Variants in ARFGEF3 observed in about 807,000 individuals in gnomAD.
ARFGEF3 encodes the protein brefeldin A-inhibited guanine nucleotide-exchange protein 3.
In ARFGEF3, 96 loss-of-function variants were observed where a neutral mutation model predicts 221.7. That is an observed-to-expected ratio of 0.43 (90% CI 0.37 to 0.51). The LOEUF (loss-of-function observed/expected upper bound fraction) is 0.51, where lower values mean the gene tolerates loss of function less well. ARFGEF3 is among the 20% of genes least tolerant of loss of function. The pLI, the probability that ARFGEF3 is intolerant of heterozygous loss-of-function variation, is 0.00. For missense variants in ARFGEF3, 2,410 were observed against 2,789.9 expected, an observed-to-expected ratio of 0.86 and a Z score of 3.07; for synonymous variants, 1,145 against 1,126.8, an observed-to-expected ratio of 1.02 and a Z score of -0.32.
At chr6:138,231,279 G>A (rs1007175109) in intron 5 of ARFGEF3, among the ~76,000 whole-genome samples, 1 of 152,114 alleles carries the variant, frequency 6.6e-6, no homozygotes, top group African/African-American at 2.4e-5. Context: ...ATGCAACATT[G>A]AAACACTGTG....
At position 138,344,566 on chromosome 6, in the gene ARFGEF3, T is replaced by C. The variant is rs1470920272; in HGVS notation, c.*8080T>C. On this transcript the variant is annotated 3_prime_UTR_variant, in exon 34 of 34. Transcript: ENST00000251691. ...TAAAGAGAAAATATTTTAAAAGATA[T>C]TGTATTTATGTTGCTTGTGTTGTAG... The C allele has an allele frequency of 6.6e-6, 1 of 152,180 alleles. No individual in the cohort carries two copies. The highest frequency in any genetic ancestry group is 1.9e-4 in the East Asian group (1 of 5,200). The allele number at this position is 152,180 out of a possible 1,614,324, so 9.4% of individuals were successfully genotyped here.
chr6:138,243,937 G>A (rs954618451), intron 7 of ARFGEF3, among the ~76,000 whole-genome samples: 2 of 152,124 alleles, frequency 1.3e-5, no homozygotes, highest in Non-Finnish European at 2.9e-5. Flanking sequence ...TCTCAGTGAC[G>A]TGCGCTAAGA....
chr6:138,275,032 G>A (rs1250730798), intron 12 of ARFGEF3, among the ~76,000 whole-genome samples: 3 of 151,964 alleles, frequency 2.0e-5, no homozygotes, highest in South Asian at 4.1e-4. Context: ...GCTTGAACCC[G>A]GGAGGCAGAG....
chr6:138,221,791 G>A (rs1222476660), intron 4 of ARFGEF3, among the ~76,000 whole-genome samples: 3 of 152,078 alleles, frequency 2.0e-5, no homozygotes, highest in African/African-American at 4.8e-5. Context: ...AAAAGAACCC[G>A]TGACATGACC....
In ARFGEF3 at chr6:138,194,989, A is replaced by ATTTTTTTTTT. The variant is rs747099029; in HGVS notation, c.138-12031_138-12022dup. Among the ~76,000 whole-genome samples, 46 of 84,116 alleles carry ATTTTTTTTTT rather than the reference A, an allele frequency of 5.5e-4. 3 individuals are homozygous for ATTTTTTTTTT. Among genetic ancestry groups the ATTTTTTTTTT allele is most frequent in the African/African-American group, 2.4e-3 (42 of 17,394 alleles). The allele number at this position is 84,116 out of a possible 152,430, so 55.2% of individuals were successfully genotyped here. On this transcript the variant is annotated intron_variant, in intron 2 of 33. Coordinates refer to ENST00000251691, the MANE Select transcript of ARFGEF3 (RefSeq NM_020340.5). ...TCAAACTAACTTCACCTTTTCCCTA[A>ATTTTTTTTTT]TTTTTTTTTTTTTTTTTTTTTTTTT... is the stretch of plus-strand genomic sequence containing the variant.
At chr6:138,261,357 G>A (rs1190871889) in intron 10 of ARFGEF3, among the ~76,000 whole-genome samples, 170 bp from the exon 11 acceptor site, 2 of 152,196 alleles carry the variant, frequency 1.3e-5, no homozygotes, top group Non-Finnish European at 2.9e-5. Flanking sequence ...ATGTCAAGAA[G>A]AAAACCTAAA....
intron 5 of ARFGEF3, among the ~76,000 whole-genome samples, chr6:138,237,117 A>T (rs549201516): frequency 6.6e-6 from 1 of 152,248 alleles, no homozygotes; most frequent in African/African-American, 2.4e-5. Flanking sequence ...TCTGCTAGGT[A>T]AACATAGTGA....
intron 32 of ARFGEF3, among the ~76,000 whole-genome samples, chr6:138,333,077 T>C (rs1780256288): frequency 6.6e-6 from 1 of 152,254 alleles, no homozygotes; most frequent in Non-Finnish European, 1.5e-5. Context: ...GTTTGGGGCA[T>C]TAATTGGCCA....
chr6:138,295,385 C>A (rs1189462356), intron 20 of ARFGEF3, among the ~76,000 whole-genome samples: 1 of 151,482 alleles, frequency 6.6e-6, no homozygotes, highest in African/African-American at 2.4e-5. Flanking sequence ...TTTAGGAGGC[C>A]GAGGCGGGCA....
At chr6:138,180,817 A>G (rs1291383943) in intron 2 of ARFGEF3, among the ~76,000 whole-genome samples, 1 of 152,192 alleles carries the variant, frequency 6.6e-6, no homozygotes, top group Non-Finnish European at 1.5e-5. Flanking sequence ...CTTGCCATAA[A>G]CAGGTGACCA....
intron 2 of ARFGEF3, among the ~76,000 whole-genome samples, chr6:138,184,012 C>A (rs533167273): frequency 6.6e-6 from 1 of 152,326 alleles, no homozygotes; most frequent in East Asian, 1.9e-4. Flanking sequence ...GCTCTCAGAA[C>A]CCTCTGTGCG....
intron 10 of ARFGEF3, among the ~76,000 whole-genome samples, chr6:138,256,237 G>A (rs1363309900): frequency 6.6e-6 from 1 of 152,084 alleles, no homozygotes; most frequent in Non-Finnish European, 1.5e-5. Context: ...TCTCCCAAAT[G>A]TCATGACCCC....
intron 5 of ARFGEF3, among the ~76,000 whole-genome samples, chr6:138,230,694 G>A (rs996844982): frequency 7.9e-5 from 12 of 152,208 alleles, no homozygotes; most frequent in African/African-American, 2.7e-4. Flanking sequence ...TTTTGAGCGT[G>A]TAGAAAATTT....
At position 138,263,237 on chromosome 6, in the gene ARFGEF3, G is replaced by T; in HGVS notation, c.1754G>T (p.Arg585Met). ...TNFLSVDCRT[R>M]SYGSRYSESN... ...TTCCTGTCAGTAGACTGCAGGACAA[G>T]GTCCTATGGATCTAGGTATAGTGAG... Residue 585 changes from arginine to methionine, a missense_variant, in exon 12 of 34, where the codon AGG becomes ATG. Arg to Met is a moderately conservative substitution (Grantham distance 91). This residue lies in a region of ARFGEF3 where 594 missense variants were observed against 734.3 expected (regional missense o/e 0.81). Coordinates refer to ENST00000251691, the MANE Select transcript of ARFGEF3 (RefSeq NM_020340.5). 2 of 1,613,988 alleles carry T rather than the reference G, an allele frequency of 1.2e-6. No individual in the cohort carries two copies. The highest frequency in any genetic ancestry group is 1.7e-6 in the Non-Finnish European group (2 of 1,179,892).
At chr6:138,317,405 G>A (rs367991325) in intron 27 of ARFGEF3, 26 bp downstream of exon 27, 68 of 1,613,280 alleles carry the variant, frequency 4.2e-5, no homozygotes, top group Non-Finnish European at 5.3e-5. Flanking sequence ...TCCGTCTTTT[G>A]GGGGAGTGGT....
chr6:138,235,247 T>G (rs913326354), intron 5 of ARFGEF3, among the ~76,000 whole-genome samples: 1 of 152,214 alleles, frequency 6.6e-6, no homozygotes, highest in Non-Finnish European at 1.5e-5. Flanking sequence ...CTCAGTTCTG[T>G]TTAGCATGTT....
At chr6:138,181,203 C>T (rs1484068966) in intron 2 of ARFGEF3, among the ~76,000 whole-genome samples, 2 of 152,132 alleles carry the variant, frequency 1.3e-5, no homozygotes, top group Non-Finnish European at 2.9e-5. Flanking sequence ...TTAAAGAAGT[C>T]ACCACTTAAA....
intron 10 of ARFGEF3, among the ~76,000 whole-genome samples, chr6:138,256,097 G>A (rs1778674712): frequency 6.6e-6 from 1 of 152,138 alleles, no homozygotes; most frequent in Non-Finnish European, 1.5e-5. Context: ...AGATATATGT[G>A]TTTATTCGCC....
intron 4 of ARFGEF3, chr6:138,215,982 T>TG (rs200688424): frequency 1.3e-5 from 2 of 148,538 alleles, no homozygotes; most frequent in African/African-American, 2.5e-5. Flanking sequence ...TTGTTGTTGT[T>TG]TTTTTTTTTG....
Sources: allele counts gnomAD v4.1 joint callset (sites outside exome capture counted in the v4.1 genomes callset), GRCh38; gene constraint gnomAD v4.1.1; regional missense constraint gnomAD v4.1.1; transcripts MANE v1.5; gene names NCBI Gene and HGNC (gene_info 2026-07-23, HGNC 2026-07-21).